Variants in AP2B1 observed in about 807,000 individuals in gnomAD.
AP2B1 encodes the protein adaptor related protein complex 2 subunit beta 1, also known as AP-2 complex subunit beta.
AP2B1 carries 23 observed loss-of-function variants against 102.0 expected under a neutral mutation model. That is an observed-to-expected ratio of 0.23 (90% CI 0.16 to 0.32). The LOEUF (loss-of-function observed/expected upper bound fraction) is 0.32. Among genes scored for constraint, AP2B1 ranks in the 10% least tolerant of loss-of-function variants. AP2B1 has a pLI of 1.00. For synonymous variants in AP2B1, 381 were observed against 421.2 expected (o/e 0.90, Z 1.17); for missense variants, 541 against 1,157.4 (o/e 0.47, Z 7.73).
intron 3 of AP2B1, among the ~76,000 whole-genome samples, chr17:35,604,647 A>G (rs1032091712): frequency 6.6e-6 from 1 of 152,108 alleles, no homozygotes; most frequent in Non-Finnish European, 1.5e-5. Flanking sequence ...AATCTCAGCT[A>G]CTTAGGAGGC....
intron 18 of AP2B1, among the ~76,000 whole-genome samples, chr17:35,705,278 A>G (rs908688649): frequency 6.6e-6 from 1 of 152,226 alleles, no homozygotes; most frequent in African/African-American, 2.4e-5. Flanking sequence ...TGCTTCCCCC[A>G]ATGAATGACC....
At chr17:35,628,482 A>G (rs143325614) in intron 9 of AP2B1, among the ~76,000 whole-genome samples, 2 of 152,324 alleles carry the variant, frequency 1.3e-5, no homozygotes, top group African/African-American at 4.8e-5. Context: ...ACACACCTGT[A>G]GTCCCAGCTA....
chr17:35,664,706 A>G (rs2075426557), intron 14 of AP2B1, among the ~76,000 whole-genome samples: 1 of 152,244 alleles, frequency 6.6e-6, no homozygotes. Flanking sequence ...CTAGGCATAT[A>G]GAATGGTCCT....
chr17:35,608,195 G>T lies in AP2B1; in HGVS notation c.333G>T (p.Gly111=), dbSNP rs780960493. 1.9e-6 allele frequency: 3 copies of T among 1,614,010 alleles called. No individual in the cohort carries two copies. The highest frequency in any genetic ancestry group is 4.5e-5 in the East Asian group (2 of 44,886). ...LIRALAVRTM[G]CIRVDKITEY... Reference sequence around the variant, plus strand: ...GAGCCTTGGCAGTCAGAACCATGGGGTGCATCCGGGTAGACAAAATTACAG... The same window carrying T: ...GAGCCTTGGCAGTCAGAACCATGGGTTGCATCCGGGTAGACAAAATTACAG... Residue 111 remains glycine (G), a synonymous_variant, in exon 5 of 22, where the codon GGG becomes GGT. Transcript: ENST00000610402.
In AP2B1 at chr17:35,680,578, C is replaced by T. The variant is rs184436233; in HGVS notation, c.2325-2117C>T. Among the ~76,000 whole-genome samples, 57 of 152,172 alleles carry T rather than the reference C, an allele frequency of 3.7e-4. No individual in the cohort carries two copies. In the East Asian group the frequency reaches 8.9e-3, roughly 24 times the overall value. On this transcript the variant is annotated intron_variant, in intron 17 of 21. Transcript: ENST00000610402. ...CAGAGACAGGGTTTCTCTATGTTGC[C>T]CAAGCTGGTCTTGAACTGCTGGGCT... is the stretch of plus-strand genomic sequence containing the variant.
At chr17:35,597,826 G>A (rs1463284965) in intron 2 of AP2B1, among the ~76,000 whole-genome samples, 1 of 152,190 alleles carries the variant, frequency 6.6e-6, no homozygotes, top group African/African-American at 2.4e-5. Flanking sequence ...AATCTGTAAA[G>A]CCGAGCGTGG....
chr17:35,723,532 G>C (rs782346909), intron 21 of AP2B1, 93 bp from the exon 22 acceptor site: 3 of 781,654 alleles, frequency 3.8e-6, no homozygotes, highest in Non-Finnish European at 6.9e-6. Flanking sequence ...CTCTCCCACT[G>C]TGTCAAAAGT....
In AP2B1 at chr17:35,631,469, CATT is replaced by C. The variant is rs576600685; in HGVS notation, c.1155+3744_1155+3746del. 1.8e-4 allele frequency among the ~76,000 whole-genome samples: 27 copies of C among 152,166 alleles called. No homozygotes were observed. In the South Asian group the frequency reaches 2.9e-3, roughly 16 times the overall value. On this transcript the variant is annotated intron_variant, in intron 9 of 21. Coordinates refer to ENST00000610402, the MANE Select transcript of AP2B1 (RefSeq NM_001030006.2). ...TAATCTGGTAGACATCATTTTATAT[CATT>C]GTTTATATAGTGTTCTATACAAAGA...
At chr17:35,620,082 G>A (rs574842571) in intron 5 of AP2B1, among the ~76,000 whole-genome samples, 129 of 152,208 alleles carry the variant, frequency 8.5e-4, no homozygotes, top group Non-Finnish European at 1.5e-3. Context: ...CACCGTGCTC[G>A]GCCAAGGATT....
chr17:35,656,884 C>A (rs1344280308), intron 13 of AP2B1, among the ~76,000 whole-genome samples: 566 of 137,690 alleles, frequency 4.1e-3, no homozygotes, highest in East Asian at 9.0e-3. Flanking sequence ...GACTCCGTCT[C>A]AAAAAAAAAA....
chr17:35,649,715 A>G (rs2075037913), intron 12 of AP2B1, among the ~76,000 whole-genome samples: 1 of 152,196 alleles, frequency 6.6e-6, no homozygotes, highest in Non-Finnish European at 1.5e-5. Context: ...CCCTTGAAAC[A>G]TTAGAGATTA....
intron 20 of AP2B1, among the ~76,000 whole-genome samples, chr17:35,713,288 G>A (rs587709322): frequency 6.6e-6 from 1 of 152,342 alleles, no homozygotes; most frequent in East Asian, 1.9e-4. Flanking sequence ...CTGTGGCCAT[G>A]CCGCACATGA....
At chr17:35,667,772 A>G (rs1051965309) in intron 14 of AP2B1, among the ~76,000 whole-genome samples, 10 of 152,042 alleles carry the variant, frequency 6.6e-5, no homozygotes, top group African/African-American at 1.9e-4. Flanking sequence ...AAAGAATTCT[A>G]TCTCTTTGAA....
intron 17 of AP2B1, among the ~76,000 whole-genome samples, chr17:35,682,334 CTTTTTT>C (rs587645888): frequency 5.6e-5 from 4 of 72,056 alleles, no homozygotes; most frequent in Non-Finnish European, 7.4e-5. Context: ...AATCCTGCCT[CTTTTTT>C]TTTTTTTTTT....
At chr17:35,644,629 C>T (rs950105658) in intron 12 of AP2B1, among the ~76,000 whole-genome samples, 2 of 151,652 alleles carry the variant, frequency 1.3e-5, no homozygotes, top group Non-Finnish European at 2.9e-5. Flanking sequence ...ATGTGATCCT[C>T]CTGCCTTGGT....
intron 20 of AP2B1, among the ~76,000 whole-genome samples, chr17:35,711,636 T>A (rs980846673): frequency 5.3e-5 from 8 of 151,988 alleles, no homozygotes; most frequent in African/African-American, 1.9e-4. Flanking sequence ...ACCCGGCTAA[T>A]TTTTTTGTAT....
chr17:35,677,380 G>A (rs1469440824), intron 17 of AP2B1, among the ~76,000 whole-genome samples: 1 of 152,008 alleles, frequency 6.6e-6, no homozygotes, highest in Non-Finnish European at 1.5e-5. Flanking sequence ...TTAACCCCAT[G>A]GTTACAAAGA....
At chr17:35,619,038 A>G (rs912547509) in intron 5 of AP2B1, among the ~76,000 whole-genome samples, 2 of 152,296 alleles carry the variant, frequency 1.3e-5, no homozygotes, top group East Asian at 3.9e-4. Context: ...TGAAGTTCAC[A>G]AGTCTTGGAA....
At chr17:35,671,654 T>C in intron 15 of AP2B1, 100 bp from the exon 16 acceptor site, 1 of 1,189,992 alleles carries the variant, frequency 8.4e-7, no homozygotes, top group Non-Finnish European at 1.2e-6. Flanking sequence ...TGGTGTTTTC[T>C]TATTGATTTA....
Sources: allele counts gnomAD v4.1 joint callset (sites outside exome capture counted in the v4.1 genomes callset), GRCh38; gene constraint gnomAD v4.1.1; transcripts MANE v1.5; gene names NCBI Gene and HGNC (gene_info 2026-07-23, HGNC 2026-07-21).